OR7D2: variants seen among roughly 807,000 people sequenced by gnomAD.
OR7D2 encodes the protein olfactory receptor 7D2.
For synonymous variants in OR7D2, 158 were observed against 158.7 expected, an observed-to-expected ratio of 1.00 and a Z score of 0.03; for missense variants, 370 against 384.1, an observed-to-expected ratio of 0.96 and a Z score of 0.31.
chr19:9,180,283 T>G (rs1248016399), intron 1 of OR7D2, among the ~76,000 whole-genome samples: 2 of 151,892 alleles, frequency 1.3e-5, no homozygotes, highest in Non-Finnish European at 2.9e-5. Context: ...TTTTTAAAAA[T>G]CTATTTTTGT....
At position 9,186,817 on chromosome 19, in the gene OR7D2, T is replaced by G; in HGVS notation, c.*97T>G. The G allele has an allele frequency of 1.1e-6, 1 of 874,440 alleles. No individual in the cohort carries two copies. The highest frequency in any genetic ancestry group is 1.7e-6 in the Non-Finnish European group (1 of 583,712). 54.2% of individuals were successfully genotyped at this position (874,440 alleles called of 1,614,324 possible). ...TACTCTTTAAAATTAAAAACATTTT[T>G]TTATACTTTGAGAGTACAAATGCAG... On this transcript the variant is annotated 3_prime_UTR_variant, in exon 3 of 3. Coordinates refer to ENST00000641288, the MANE Select transcript of OR7D2 (RefSeq NM_175883.4).
At position 9,186,585 on chromosome 19, in the gene OR7D2, C is replaced by T. The variant is rs377566322; in HGVS notation, c.804C>T (p.Ser268=). 3.0e-5 allele frequency: 48 copies of T among 1,614,068 alleles called. 2 individuals carry two copies. In the East Asian group the frequency reaches 9.1e-4, roughly 31 times the overall value. ...TCACTTCTGCGGTGACTCACTCTTC[C>T]CAGAAAATCTCCGTGGCCTCGGTGA... ...VHFTSAVTHS[S]QKISVASVMY... Residue 268 remains serine, a synonymous_variant, in exon 3 of 3, where the codon TCC becomes TCT. Transcript: ENST00000641288.
At chr19:9,183,955 C>CCAAAAAAAA (rs2051010171) in intron 2 of OR7D2, among the ~76,000 whole-genome samples, 1 of 19,446 alleles carries the variant, frequency 5.1e-5, no homozygotes, top group Admixed American at 1.0e-3. Context: ...GACTCCGTCT[C>CCAAAAAAAA]AAAAAAAAAA....
chr19:9,186,570 G>A lies in OR7D2; in HGVS notation c.789G>A (p.Ala263=), dbSNP rs61732227. 3.2e-3 allele frequency: 5,190 copies of A among 1,613,880 alleles called. 143 individuals carry two copies. In the African/African-American group the frequency reaches 0.06, roughly 19 times the overall value. The stretch of plus-strand genomic sequence containing the variant: ...GCATTGGGGTCCACTTCACTTCTGC[G>A]GTGACTCACTCTTCCCAGAAAATCT... ...GTGIGVHFTS[A]VTHSSQKISV... The change falls in exon 3 of 3, where the codon GCG becomes GCA. Residue 263 remains alanine (A), a synonymous_variant. Coordinates refer to ENST00000641288, the MANE Select transcript of OR7D2 (RefSeq NM_175883.4).
At position 9,187,141 on chromosome 19, in the gene OR7D2, A is replaced by C. The variant is rs559761638; in HGVS notation, c.*421A>C. ...CTGGTCTCGAACTCCTGACCTTGTG[A>C]TCCACCTGCCTTGGCCTCTCAAAGT... is the stretch of plus-strand genomic sequence containing the variant. On this transcript the variant is annotated 3_prime_UTR_variant, in exon 3 of 3. Coordinates refer to ENST00000641288, the MANE Select transcript of OR7D2 (RefSeq NM_175883.4). 2 of 165,888 alleles carry C rather than the reference A, an allele frequency of 1.2e-5. No individual in the cohort carries two copies. Among genetic ancestry groups the C allele is most frequent in the Admixed American group, 6.2e-5 (1 of 16,064 alleles). The allele number at this position is 165,888 out of a possible 1,614,324, so 10.3% of individuals were successfully genotyped here.
intron 2 of OR7D2, among the ~76,000 whole-genome samples, chr19:9,184,698 T>C (rs1298153566): frequency 6.6e-6 from 1 of 152,172 alleles, no homozygotes; most frequent in Non-Finnish European, 1.5e-5. Context: ...GTGATATATA[T>C]GTATATGTAC....
rs2051032884 is a variant in OR7D2, at chr19:9,186,307, C to T, written c.526C>T (p.His176Tyr). 1.9e-6 allele frequency: 3 copies of T among 1,614,002 alleles called. No individual in the cohort carries two copies. The highest frequency in any genetic ancestry group is 1.3e-5 in the African/African-American group (1 of 74,930). The change falls in exon 3 of 3, where the codon CAT (histidine) becomes TAT (tyrosine). Residue 176 changes from histidine (H) to tyrosine (Y), a missense_variant. His to Tyr is a moderately conservative substitution (Grantham distance 83). Coordinates refer to ENST00000641288, the MANE Select transcript of OR7D2 (RefSeq NM_175883.4). ...LIFCKDFEIP[H>Y]FFCELTYILQ... ...CTTCTGTAAAGATTTTGAAATTCCA[C>T]ATTTTTTCTGCGAACTGACGTACAT... is the stretch of plus-strand genomic sequence containing the variant.
Position 9,186,286 on chromosome 19 carries a change from T to C in OR7D2, c.505T>C (p.Cys169Arg), listed in dbSNP as rs943138078. The C allele has an allele frequency of 1.2e-6, 2 of 1,614,020 alleles. No homozygotes were observed. Among genetic ancestry groups the C allele is most frequent in the East Asian group, 2.2e-5 (1 of 44,896 alleles). The change falls in exon 3 of 3, where the codon TGT (cysteine) becomes CGT (arginine). Residue 169 changes from cysteine to arginine, a missense_variant. Transcript: ENST00000641288. Reference protein sequence around the residue: ...HISLMMHLIFCKDFEIPHFFC... With the variant: ...HISLMMHLIFRKDFEIPHFFC... ...TTCTCTGATGATGCATCTAATCTTC[T>C]GTAAAGATTTTGAAATTCCACATTT...
In OR7D2 at chr19:9,186,376, A is replaced by G; in HGVS notation, c.595A>G (p.Ile199Val). The change falls in exon 3 of 3, where the codon ATA (isoleucine) becomes GTA (valine). Residue 199 changes from isoleucine to valine, a missense_variant. Transcript: ENST00000641288. ...TGATACCTTCCTGAACAGCACGTTG[A>G]TATACTTTATGACGGGTGTGCTGGG... ...CSDTFLNSTL[I>V]YFMTGVLGVF... is the part of the protein sequence containing the mutation. 1.2e-6 allele frequency: 2 copies of G among 1,614,054 alleles called. No homozygotes were observed. Among genetic ancestry groups the G allele is most frequent in the African/African-American group, 1.3e-5 (1 of 75,040 alleles).
chr19:9,184,970 TA>T (rs974868430), intron 2 of OR7D2, among the ~76,000 whole-genome samples: 100 of 137,716 alleles, frequency 7.3e-4, no homozygotes, highest in African/African-American at 2.7e-3. Flanking sequence ...CTATGTGGAA[TA>T]TTTTTTTTAA....
rs758774409 is a variant in OR7D2 at position 9,186,643 on chromosome 19, T to G, written c.862T>G (p.Phe288Val). Residue 288 changes from phenylalanine (F) to valine (V), a missense_variant, in exon 3 of 3, where the codon TTC becomes GTC. Transcript: ENST00000641288. ...YTVVTPMLNPFIYSLRNKDVK... is the reference protein window; with the variant it reads ...YTVVTPMLNPVIYSLRNKDVK... ...TGTGGTCACCCCCATGTTGAACCCC[T>G]TCATCTACAGCCTGAGGAACAAGGA... 5.6e-6 allele frequency: 9 copies of G among 1,613,894 alleles called. No individual in the cohort carries two copies. Among genetic ancestry groups the G allele is most frequent in the Non-Finnish European group, 7.6e-6 (9 of 1,180,016 alleles).
rs1398156396 is a variant in OR7D2, at chr19:9,188,693, C to T, written c.*1973C>T. On this transcript the variant is annotated 3_prime_UTR_variant, in exon 3 of 3. Coordinates refer to ENST00000641288, the MANE Select transcript of OR7D2 (RefSeq NM_175883.4). ...GAGTTCTTAAGCTATTGATTGTTCA[C>T]TGACTTTATTTCTATGTGTTTGCAT... is the stretch of plus-strand genomic sequence containing the variant. 6 of 167,202 alleles carry T rather than the reference C, an allele frequency of 3.6e-5. No individual in the cohort carries two copies. In the East Asian group the frequency reaches 1.2e-3, roughly 32 times the overall value. 10.4% of individuals were successfully genotyped at this position (167,202 alleles called of 1,614,324 possible).
intron 2 of OR7D2, among the ~76,000 whole-genome samples, chr19:9,183,565 A>G (rs1217866490): frequency 6.6e-6 from 1 of 152,010 alleles, no homozygotes; most frequent in African/African-American, 2.4e-5. Context: ...GGCGTGAGCC[A>G]CCATGCCTGA....
intron 2 of OR7D2, among the ~76,000 whole-genome samples, chr19:9,180,993 C>T (rs1272603515): frequency 6.6e-6 from 1 of 151,734 alleles, no homozygotes; most frequent in African/African-American, 2.4e-5. Flanking sequence ...GGTGTGGTGG[C>T]GAGCATCTGT....
rs867017989 is a variant in OR7D2, at chr19:9,188,744, G to A, written c.*2024G>A. 1.2e-5 allele frequency: 2 copies of A among 167,016 alleles called. No homozygotes were observed. The highest frequency in any genetic ancestry group is 1.5e-5 in the Non-Finnish European group (1 of 68,112). 10.3% of individuals were successfully genotyped at this position (167,016 alleles called of 1,614,324 possible). A position where few individuals can be genotyped will look rare whatever the true frequency, so the allele number is the denominator to read the frequency against. The stretch of plus-strand genomic sequence containing the variant: ...GTGGGTTTTTGTTGTTTGTGTGTTC[G>A]ATCATGAACAGATCAACAGTGTTTA... On this transcript the variant is annotated 3_prime_UTR_variant, in exon 3 of 3. Transcript: ENST00000641288.
In OR7D2 at chr19:9,188,322, C is replaced by A. The variant is rs2051054159; in HGVS notation, c.*1602C>A. The A allele has an allele frequency of 6.5e-6, 1 of 154,918 alleles. No homozygotes were observed. The highest frequency in any genetic ancestry group is 6.6e-5 in the Admixed American group (1 of 15,264). 9.6% of individuals were successfully genotyped at this position (154,918 alleles called of 1,614,324 possible). A position where few individuals can be genotyped will look rare whatever the true frequency, so the allele number is the denominator to read the frequency against. ...GGCCAGGCTGGTCTTGAACTCCTGA[C>A]CTCAGGTGATACGCCCACCTCGGCC... On this transcript the variant is annotated 3_prime_UTR_variant, in exon 3 of 3. Coordinates refer to ENST00000641288, the MANE Select transcript of OR7D2 (RefSeq NM_175883.4).
At chr19:9,183,025 G>A (rs2051002198) in intron 2 of OR7D2, 3 of 399,062 alleles carry the variant, frequency 7.5e-6, no homozygotes, top group South Asian at 2.4e-5. Flanking sequence ...CACAGCCACC[G>A]TAGGTTTTCT....
intron 2 of OR7D2, chr19:9,183,093 A>G (rs141229850): frequency 1.2e-4 from 34 of 294,450 alleles, no homozygotes; most frequent in African/African-American, 7.1e-4. Context: ...GAACTTTAGT[A>G]GTTTCTCGTC....
chr19:9,183,739 C>G (rs192071270), intron 2 of OR7D2, among the ~76,000 whole-genome samples: 2,795 of 149,382 alleles, frequency 0.019, 39 homozygotes, highest in Non-Finnish European at 0.027. Context: ...GGGCGGATCA[C>G]GAGGTCAGGA....
Sources: gnomAD v4.1 joint callset for allele counts (sites outside exome capture counted in the v4.1 genomes callset) on GRCh38, gnomAD v4.1.1 for gene constraint, MANE v1.5 for transcripts, NCBI Gene and HGNC (gene_info 2026-07-23, HGNC 2026-07-21) for gene names.